Variants in ESRRG observed in about 807,000 individuals in gnomAD.
ESRRG encodes estrogen-related receptor gamma.
A neutral mutation model predicts 44.0 loss-of-function variants in ESRRG; 13 were observed. The ratio of observed to expected loss-of-function variants is 0.30; its 90% CI spans 0.19 to 0.47. ESRRG has a LOEUF of 0.47. Among genes scored for constraint, ESRRG ranks in the 20% least tolerant of loss-of-function variants. The probability of loss-of-function intolerance (pLI) is 1.00; values close to 1 mark genes in which losing one functional copy is unlikely to be tolerated. For missense variants in ESRRG, 395 were observed against 580.6 expected, an observed-to-expected ratio of 0.68 and a Z score of 3.29; for synonymous variants, 215 against 214.6, an observed-to-expected ratio of 1.00 and a Z score of -0.02.
intron 3 of ESRRG, among the ~76,000 whole-genome samples, chr1:216,647,337 CAA>C (rs1344711404): frequency 2.0e-5 from 3 of 152,092 alleles, no homozygotes; most frequent in Non-Finnish European, 4.4e-5. Context: ...GAGAGAAAGA[CAA>C]AGAGGATTTT....
intron 5 of ESRRG, among the ~76,000 whole-genome samples, chr1:216,545,256 T>G (rs1342910795): frequency 6.6e-6 from 1 of 150,822 alleles, no homozygotes; most frequent in East Asian, 2.0e-4. Context: ...AAAGACAGGA[T>G]CTCACTATGT....
chr1:216,950,423 G>A (rs146203810), intron 1 of ESRRG, among the ~76,000 whole-genome samples: 14 of 152,142 alleles, frequency 9.2e-5, no homozygotes, highest in African/African-American at 2.6e-4. Flanking sequence ...GAGTTTTTTC[G>A]TTGTTTATAG....
rs1388924135 is a variant in ESRRG at position 216,651,096 on chromosome 1, C to G, written c.473-7G>C. 2 of 1,561,896 alleles carry G rather than the reference C, an allele frequency of 1.3e-6. No homozygotes were observed. Among genetic ancestry groups the G allele is most frequent in the East Asian group, 4.5e-5 (2 of 44,598 alleles). On this transcript the variant is annotated splice_polypyrimidine_tract_variant and splice_region_variant and intron_variant, in intron 2 of 6. Transcript: ENST00000408911. Reference sequence around the variant, plus strand: ...CAGCTGTATTCTATATTGCCTAAAACACAAGTTTGAAGAAAAGTTGTCATA... The same window carrying G: ...CAGCTGTATTCTATATTGCCTAAAAGACAAGTTTGAAGAAAAGTTGTCATA...
chr1:217,062,188 A>G (rs553145015), intron 1 of ESRRG, among the ~76,000 whole-genome samples: 1 of 152,224 alleles, frequency 6.6e-6, no homozygotes, highest in East Asian at 1.9e-4. Context: ...TTCTATTTGT[A>G]TTAATATTTG....
intron 1 of ESRRG, among the ~76,000 whole-genome samples, chr1:217,097,174 T>C (rs2151560486): frequency 6.6e-6 from 1 of 152,286 alleles, no homozygotes; most frequent in East Asian, 1.9e-4. Context: ...ATCCAGAACA[T>C]GACAGTTCTT....
intron 1 of ESRRG, among the ~76,000 whole-genome samples, chr1:217,083,160 G>A (rs1298307294): frequency 6.6e-6 from 1 of 152,156 alleles, no homozygotes; most frequent in Non-Finnish European, 1.5e-5. Flanking sequence ...GGCTTGTATG[G>A]TCTAGCGTAG....
chr1:216,565,772 T>C (rs1338610123), intron 4 of ESRRG, among the ~76,000 whole-genome samples: 2 of 152,104 alleles, frequency 1.3e-5, no homozygotes, highest in Non-Finnish European at 2.9e-5. Context: ...AAAAATTAAA[T>C]AGAGATTAAT....
At chr1:216,967,171 C>CA (rs2070598542) in intron 1 of ESRRG, among the ~76,000 whole-genome samples, 1 of 151,932 alleles carries the variant, frequency 6.6e-6, no homozygotes, top group South Asian at 2.1e-4. Flanking sequence ...ACAGCATCGC[C>CA]CCCCCTCCCC....
intron 2 of ESRRG, chr1:216,865,187 C>CAAAAAAAAAAAAAAAAAAAAAAAAAAAAA (rs548064265): frequency 3.0e-4 from 15 of 49,244 alleles, no homozygotes; most frequent in Admixed American, 1.1e-3. Context: ...AGCTGTGCAG[C>CAAAAAAAAAAAAAAAAAAAAAAAAAAAAA]AAAAAAAAAA....
intron 2 of ESRRG, among the ~76,000 whole-genome samples, chr1:216,877,726 T>C (rs112704144): frequency 0.015 from 2,242 of 152,206 alleles, 49 homozygotes; most frequent in African/African-American, 0.052. Context: ...CCGGCCTATA[T>C]GTATGTTTTT....
chr1:217,073,961 C>A (rs1453696836), intron 1 of ESRRG, among the ~76,000 whole-genome samples: 1 of 151,718 alleles, frequency 6.6e-6, no homozygotes, highest in African/African-American at 2.4e-5. Flanking sequence ...ACTTACTAGT[C>A]TGTTCATTAT....
chr1:216,827,437 T>C (rs1328352756), intron 2 of ESRRG, among the ~76,000 whole-genome samples: 1 of 152,184 alleles, frequency 6.6e-6, no homozygotes, highest in Non-Finnish European at 1.5e-5. Context: ...CTGAGATAAA[T>C]CCTAGCTCTA....
intron 2 of ESRRG, among the ~76,000 whole-genome samples, chr1:216,849,757 G>A (rs1044307800): frequency 5.9e-5 from 9 of 152,072 alleles, no homozygotes; most frequent in Non-Finnish European, 1.0e-4. Context: ...AGAAATTTCA[G>A]TATCTTCCCA....
chr1:216,757,166 T>A (rs2092496673), intron 2 of ESRRG, among the ~76,000 whole-genome samples: 1 of 152,056 alleles, frequency 6.6e-6, no homozygotes, highest in Non-Finnish European at 1.5e-5. Context: ...AAGCAGTAAT[T>A]CTCTCTGCTC....
intron 5 of ESRRG, among the ~76,000 whole-genome samples, chr1:216,530,125 AAAAAAAAAG>A (rs1280988837): frequency 6.6e-6 from 1 of 150,696 alleles, no homozygotes; most frequent in Non-Finnish European, 1.5e-5. Context: ...AAAAAAAAAA[AAAAAAAAAG>A]GGGGTGGGGG....
intron 2 of ESRRG, among the ~76,000 whole-genome samples, chr1:216,754,430 C>G (rs2092312436): frequency 6.6e-6 from 1 of 152,018 alleles, no homozygotes; most frequent in Non-Finnish European, 1.5e-5. Flanking sequence ...CTCTATCACA[C>G]TGCAAAGGTG....
At chr1:216,921,065 A>C (rs900850314) in intron 2 of ESRRG, among the ~76,000 whole-genome samples, 2 of 152,218 alleles carry the variant, frequency 1.3e-5, no homozygotes, top group African/African-American at 4.8e-5. Flanking sequence ...TTAATGATGC[A>C]AATGGTATCC....
chr1:216,788,435 A>G (rs914923301), intron 2 of ESRRG, among the ~76,000 whole-genome samples: 3 of 152,150 alleles, frequency 2.0e-5, no homozygotes, highest in African/African-American at 7.2e-5. Flanking sequence ...ATGATAGCAC[A>G]TCTGCCTACA....
At chr1:216,789,848 G>A (rs1214673848) in intron 2 of ESRRG, among the ~76,000 whole-genome samples, 1 of 152,132 alleles carries the variant, frequency 6.6e-6, no homozygotes, top group East Asian at 1.9e-4. Flanking sequence ...CTGTATTCCA[G>A]CTCTTTGGCA....
Sources: gnomAD v4.1 joint callset for allele counts (sites outside exome capture counted in the v4.1 genomes callset) on GRCh38, gnomAD v4.1.1 for gene constraint, MANE v1.5 for transcripts, NCBI Gene and HGNC (gene_info 2026-07-23, HGNC 2026-07-21) for gene names.